DLGAP1: variants seen among roughly 807,000 people sequenced by gnomAD.
The protein encoded by DLGAP1 is disks large-associated protein 1.
A neutral mutation model predicts 90.8 loss-of-function variants in DLGAP1; 11 were observed. That is an observed-to-expected ratio of 0.12 (90% CI 0.08 to 0.20). The LOEUF (loss-of-function observed/expected upper bound fraction) is 0.20. Among genes scored for constraint, DLGAP1 ranks in the 10% least tolerant of loss-of-function variants. The pLI is 1.00. For synonymous variants in DLGAP1, 558 were observed against 540.7 expected (o/e 1.03, Z -0.44); for missense variants, 1,050 against 1,333.8 (o/e 0.79, Z 3.31).
intron 6 of DLGAP1, among the ~76,000 whole-genome samples, chr18:3,731,189 T>C (rs536333217): frequency 6.6e-6 from 1 of 152,062 alleles, no homozygotes; most frequent in Non-Finnish European, 1.5e-5. Flanking sequence ...GACATATATA[T>C]AATATATGTA....
At chr18:4,307,891 T>G (rs1006098663) in intron 1 of DLGAP1, among the ~76,000 whole-genome samples, 2 of 152,066 alleles carry the variant, frequency 1.3e-5, no homozygotes, top group Admixed American at 1.3e-4. Flanking sequence ...AATTTTTGTA[T>G]TTTTAGTAGA....
intron 1 of DLGAP1, among the ~76,000 whole-genome samples, chr18:4,213,073 G>C (rs1032358221): frequency 1.3e-5 from 2 of 152,148 alleles, no homozygotes; most frequent in African/African-American, 4.8e-5. Context: ...TGAGCAAACA[G>C]GTTTTGGGGA....
At chr18:4,356,753 G>A (rs2144048706) in intron 1 of DLGAP1, among the ~76,000 whole-genome samples, 1 of 152,260 alleles carries the variant, frequency 6.6e-6, no homozygotes, top group East Asian at 1.9e-4. Flanking sequence ...TAAATCACAA[G>A]TTAGAGCATG....
chr18:4,311,373 G>T (rs538199200), intron 1 of DLGAP1, among the ~76,000 whole-genome samples: 25 of 152,322 alleles, frequency 1.6e-4, no homozygotes, highest in African/African-American at 5.5e-4. Context: ...TTTCACTCAT[G>T]TCGGCTTTAT....
At chr18:4,435,632 A>G (rs1306085501) in intron 1 of DLGAP1, among the ~76,000 whole-genome samples, 2 of 152,194 alleles carry the variant, frequency 1.3e-5, no homozygotes, top group Non-Finnish European at 2.9e-5. Flanking sequence ...TCCATAATTT[A>G]ACTCTGGAAA....
intron 1 of DLGAP1, among the ~76,000 whole-genome samples, chr18:4,250,196 A>C (rs1309375508): frequency 1.3e-5 from 2 of 152,202 alleles, no homozygotes; most frequent in African/African-American, 2.4e-5. Context: ...TTGGGCTCAC[A>C]ACAGCAATTT....
chr18:4,099,490 T>C (rs959384823), intron 2 of DLGAP1, among the ~76,000 whole-genome samples: 1 of 152,174 alleles, frequency 6.6e-6, no homozygotes, highest in African/African-American at 2.4e-5. Flanking sequence ...CTGTAGTTTA[T>C]TGAATGTGAA....
chr18:4,258,010 T>TGTGTGTGTGTGTGC (rs529531621), intron 1 of DLGAP1, among the ~76,000 whole-genome samples: 23 of 137,006 alleles, frequency 1.7e-4, no homozygotes, highest in African/African-American at 6.1e-4. Context: ...TGTGTGTGTG[T>TGTGTGTGTGTGTGC]GCGCGCGCGC....
chr18:3,900,682 G>T (rs1047553136), intron 3 of DLGAP1, among the ~76,000 whole-genome samples: 5 of 152,156 alleles, frequency 3.3e-5, no homozygotes, highest in African/African-American at 1.2e-4. Context: ...TGGGATGCAG[G>T]AGGAATCACA....
In DLGAP1 at chr18:4,373,821, A is replaced by T. The variant is rs887336275; in HGVS notation, c.-267+81185T>A. ...CAGGAATCTGGACAGTAGTTGGTGT[A>T]AACACTTAGTTCAACATATTTATCC... On this transcript the variant is annotated intron_variant, in intron 1 of 12. Coordinates refer to ENST00000315677, the MANE Select transcript of DLGAP1 (RefSeq NM_004746.4). Among the ~76,000 whole-genome samples the T allele has an allele frequency of 3.3e-5, 5 of 152,228 alleles. No individual in the cohort carries two copies. In the South Asian group the frequency reaches 6.2e-4, roughly 19 times the overall value.
At chr18:4,353,928 T>C (rs1009436248) in intron 1 of DLGAP1, among the ~76,000 whole-genome samples, 2 of 152,152 alleles carry the variant, frequency 1.3e-5, no homozygotes, top group Non-Finnish European at 2.9e-5. Context: ...TGTGAGCTAC[T>C]GTAAATTTAA....
At chr18:3,826,442 A>G (rs1219247770) in intron 4 of DLGAP1, among the ~76,000 whole-genome samples, 2 of 152,236 alleles carry the variant, frequency 1.3e-5, no homozygotes, top group African/African-American at 4.8e-5. Flanking sequence ...TAATAGTGGC[A>G]TCATCGCAGG....
At chr18:4,376,530 G>A (rs913207338) in intron 1 of DLGAP1, among the ~76,000 whole-genome samples, 6 of 152,122 alleles carry the variant, frequency 3.9e-5, no homozygotes, top group Non-Finnish European at 8.8e-5. Flanking sequence ...CTATTTCAAG[G>A]CGTGGTGTTT....
intron 2 of DLGAP1, among the ~76,000 whole-genome samples, chr18:4,123,087 T>C (rs2076178533): frequency 6.6e-6 from 1 of 152,158 alleles, no homozygotes; most frequent in African/African-American, 2.4e-5. Flanking sequence ...CAGGGTAGTA[T>C]TAGTAAATAT....
intron 2 of DLGAP1, among the ~76,000 whole-genome samples, chr18:4,113,873 T>C (rs767235925): frequency 5.3e-5 from 8 of 152,156 alleles, no homozygotes; most frequent in Non-Finnish European, 1.2e-4. Flanking sequence ...AGTGAGTCCT[T>C]TTCCCACTGC....
At chr18:4,262,927 ATTATTATT>A (rs2079031713) in intron 1 of DLGAP1, among the ~76,000 whole-genome samples, 1 of 150,800 alleles carries the variant, frequency 6.6e-6, no homozygotes, top group Non-Finnish European at 1.5e-5. Context: ...TATTATTATT[ATTATTATT>A]TTATTATTTT....
chr18:3,660,552 T>C lies in DLGAP1; in HGVS notation c.1591+68583A>G, dbSNP rs907548006. ...TCCCGAGTATCCTCAAGGAGGATCT[T>C]ATCAATCCCAGCAAATGTACTTCAA... On this transcript the variant is annotated intron_variant, in intron 7 of 12. Transcript: ENST00000315677. The surrounding 1 kb of genome is among the most constrained non-coding windows in gnomAD (Gnocchi z 4.2). Among the ~76,000 whole-genome samples, 3 of 152,258 alleles carry C rather than the reference T, an allele frequency of 2.0e-5. No individual in the cohort carries two copies. The highest frequency in any genetic ancestry group is 4.4e-5 in the Non-Finnish European group (3 of 68,046).
intron 2 of DLGAP1, among the ~76,000 whole-genome samples, chr18:4,073,026 G>A (rs1483686513): frequency 1.3e-5 from 2 of 152,154 alleles, no homozygotes; most frequent in Admixed American, 6.5e-5. Flanking sequence ...CTGCATGCAA[G>A]CTCATCTTCC....
At chr18:4,167,517 A>G (rs1025821583) in intron 1 of DLGAP1, among the ~76,000 whole-genome samples, 3 of 152,212 alleles carry the variant, frequency 2.0e-5, no homozygotes, top group African/African-American at 7.2e-5. Context: ...AAGAGGGTAC[A>G]TGCCACTATC....
Sources: gnomAD v4.1 joint callset for allele counts (sites outside exome capture counted in the v4.1 genomes callset) on GRCh38, gnomAD v4.1.1 for gene constraint, Gnocchi (gnomAD v3.1) non-coding constraint, MANE v1.5 for transcripts, NCBI Gene and HGNC (gene_info 2026-07-23, HGNC 2026-07-21) for gene names.